The following HDAC9 variants were observed in gnomAD, a reference collection of about 807,000 sequenced individuals.
HDAC9 encodes MEF-2 interacting transcription repressor (MITR) protein.
HDAC9 carries 41 observed loss-of-function variants against 139.4 expected under a neutral mutation model. The ratio of observed to expected loss-of-function variants is 0.29; its 90% confidence interval spans 0.23 to 0.38. HDAC9 has a LOEUF of 0.38. Among genes scored for constraint, HDAC9 ranks in the 10% least tolerant of loss-of-function variants. The pLI is 1.00. For synonymous variants in HDAC9, 517 were observed against 476.2 expected, an observed-to-expected ratio of 1.09 and a Z score of -1.12; for missense variants, 1,147 against 1,297.0, an observed-to-expected ratio of 0.88 and a Z score of 1.78.
chr7:18,954,350 A>C, intron 24 of HDAC9, 120 bp downstream of exon 24: 1 of 799,204 alleles, frequency 1.3e-6, no homozygotes, highest in Non-Finnish European at 2.0e-6. Context: ...ATGCGTTCTT[A>C]AGTATATATC....
chr7:18,413,305 G>C (rs941408813), intron 1 of HDAC9, among the ~76,000 whole-genome samples: 1 of 152,102 alleles, frequency 6.6e-6, no homozygotes, highest in East Asian at 1.9e-4. Flanking sequence ...ATATACCACT[G>C]GTTCTCTAGG....
At chr7:18,322,605 T>G (rs34478813) in intron 1 of HDAC9, among the ~76,000 whole-genome samples, 22,542 of 152,154 alleles carry the variant, frequency 0.15, 1,794 homozygotes, top group Non-Finnish European at 0.17. Flanking sequence ...GTTTTTTGTT[T>G]GTTTCCACCT....
rs116626498 is a variant in HDAC9, at chr7:18,460,163, C to T, written c.-41-36099C>T. Among the ~76,000 whole-genome samples, 896 of 152,162 alleles carry T rather than the reference C, an allele frequency of 5.9e-3. 11 individuals carry two copies. Among genetic ancestry groups the T allele is most frequent in the African/African-American group, 0.02 (850 of 41,502 alleles). ...CTCCAACTCCTGGCCTCAAGTGATC[C>T]TCCTGCTTCAGCCTCCCAAAGTTAT... On this transcript the variant is annotated intron_variant, in intron 1 of 3. Coordinates refer to the HDAC9 transcript ENST00000413509.
At chr7:18,256,171 G>C (rs1337170820) in intron 2 of HDAC9, among the ~76,000 whole-genome samples, 2 of 152,036 alleles carry the variant, frequency 1.3e-5, no homozygotes, top group Admixed American at 6.6e-5. Flanking sequence ...ATTATACAAT[G>C]CCCCGTATTT....
chr7:18,629,833 A>G (rs551586118), intron 7 of HDAC9, among the ~76,000 whole-genome samples: 1 of 152,286 alleles, frequency 6.6e-6, no homozygotes, highest in South Asian at 2.1e-4. Context: ...GGGAGGTCCA[A>G]GAAGAACACT....
intron 1 of HDAC9, among the ~76,000 whole-genome samples, chr7:18,382,652 C>T (rs1052862327): frequency 2.0e-5 from 3 of 152,086 alleles, no homozygotes; most frequent in Non-Finnish European, 2.9e-5. Context: ...ATTTCAGATA[C>T]GATGTCATTG....
At chr7:18,142,154 G>A (rs1785945358) in intron 1 of HDAC9, among the ~76,000 whole-genome samples, 2 of 152,068 alleles carry the variant, frequency 1.3e-5, no homozygotes, top group African/African-American at 4.8e-5. Flanking sequence ...ATAGAGCAAG[G>A]CTACAAAGAG....
At chr7:18,540,855 A>G (rs1032986517) in intron 2 of HDAC9, among the ~76,000 whole-genome samples, 2 of 152,210 alleles carry the variant, frequency 1.3e-5, no homozygotes, top group South Asian at 4.1e-4. Flanking sequence ...CATAAGTAAA[A>G]CACTATTGTA....
rs563547814 is a variant in HDAC9 at position 18,178,693 on chromosome 7, A to G, written c.25+16344A>G. On this transcript the variant is annotated intron_variant, in intron 2 of 12. Coordinates refer to the HDAC9 transcript ENST00000417496. ...TGTGGTTGAGCAGGAAATTGTTTTA[A>G]GTTAGTTTAGAATTCATTGATCCAA... Among the ~76,000 whole-genome samples the G allele has an allele frequency of 4.6e-5, 7 of 152,326 alleles. No homozygotes were observed. In the East Asian group the frequency reaches 1.4e-3, roughly 29 times the overall value.
chr7:18,428,581 C>A (rs1039457009), intron 1 of HDAC9, among the ~76,000 whole-genome samples: 1 of 152,142 alleles, frequency 6.6e-6, no homozygotes, highest in African/African-American at 2.4e-5. Context: ...CACTTTATAC[C>A]TGTTAGGATG....
intron 1 of HDAC9, among the ~76,000 whole-genome samples, chr7:18,422,756 A>G (rs926889914): frequency 4.0e-5 from 6 of 151,734 alleles, no homozygotes; most frequent in African/African-American, 1.2e-4. Flanking sequence ...ACACACACAC[A>G]CACACACACA....
intron 19 of HDAC9, among the ~76,000 whole-genome samples, chr7:18,834,158 T>C (rs1796056676): frequency 1.3e-5 from 2 of 152,194 alleles, no homozygotes; most frequent in South Asian, 2.1e-4. Flanking sequence ...GACTTAAAAA[T>C]TGTAGAAATC....
At chr7:18,245,475 C>T (rs1794463528) in intron 2 of HDAC9, among the ~76,000 whole-genome samples, 2 of 152,188 alleles carry the variant, frequency 1.3e-5, no homozygotes, top group Admixed American at 1.3e-4. Flanking sequence ...GTAGTCCCAG[C>T]TACTCAGGAG....
At chr7:18,122,674 A>C (rs1418654208) in intron 1 of HDAC9, among the ~76,000 whole-genome samples, 1 of 152,162 alleles carries the variant, frequency 6.6e-6, no homozygotes, top group Non-Finnish European at 1.5e-5. Flanking sequence ...GCTGGAATGC[A>C]ACAGCATGAT....
intron 1 of HDAC9, among the ~76,000 whole-genome samples, chr7:18,127,467 G>T (rs1304465645): frequency 6.6e-6 from 1 of 151,876 alleles, no homozygotes; most frequent in Non-Finnish European, 1.5e-5. Flanking sequence ...TGTACTTCTG[G>T]CTTTGGCTTA....
At chr7:18,571,013 A>G (rs1824098952) in intron 2 of HDAC9, among the ~76,000 whole-genome samples, 1 of 152,238 alleles carries the variant, frequency 6.6e-6, no homozygotes, top group Admixed American at 6.5e-5. Flanking sequence ...TAAAACTCAC[A>G]TATCCAAAGT....
intron 12 of HDAC9, among the ~76,000 whole-genome samples, chr7:18,684,585 GTGAA>G (rs1188314854): frequency 6.6e-6 from 1 of 152,008 alleles, no homozygotes; most frequent in Non-Finnish European, 1.5e-5. Flanking sequence ...CCTAATGAGT[GTGAA>G]TGGATACCTT....
upstream of HDAC9, among the ~76,000 whole-genome samples, chr7:18,493,796 C>T (rs1204438898): frequency 6.6e-6 from 1 of 151,358 alleles, no homozygotes; most frequent in African/African-American, 2.4e-5. Flanking sequence ...AAAAAAAGTT[C>T]TTCAAAAGAA....
intron 6 of HDAC9, among the ~76,000 whole-genome samples, chr7:18,601,920 A>G (rs1400876080): frequency 6.6e-6 from 1 of 152,172 alleles, no homozygotes; most frequent in Admixed American, 6.5e-5. Context: ...TAATTGATCA[A>G]TGGCTATCTA....
Sources: allele counts gnomAD v4.1 joint callset (sites outside exome capture counted in the v4.1 genomes callset), GRCh38; gene constraint gnomAD v4.1.1; transcripts MANE v1.5; gene names NCBI Gene and HGNC (gene_info 2026-07-23, HGNC 2026-07-21).